Variants in SKA1 observed in about 807,000 individuals in gnomAD.
SKA1 encodes SKA complex subunit 1.
In SKA1, 20 loss-of-function variants were observed where a neutral mutation model predicts 31.8. The observed-to-expected ratio is 0.63, with a 90% CI of 0.44 to 0.91. The LOEUF (loss-of-function observed/expected upper bound fraction) is 0.91. SKA1 is among the 40% of genes least tolerant of loss of function. The pLI is 0.00. For synonymous variants in SKA1, 88 were observed against 100.5 expected, an observed-to-expected ratio of 0.88 and a Z score of 0.74; for missense variants, 253 against 298.2, an observed-to-expected ratio of 0.85 and a Z score of 1.12.
At chr18:50,377,989 C>G (rs981301119) in intron 2 of SKA1, among the ~76,000 whole-genome samples, 12 of 152,122 alleles carry the variant, frequency 7.9e-5, no homozygotes, top group African/African-American at 2.9e-4. Context: ...AGGTGGCTGG[C>G]CCAGGTCCCT....
chr18:50,390,287 G>C (rs1359427065), intron 5 of SKA1, among the ~76,000 whole-genome samples: 2 of 152,170 alleles, frequency 1.3e-5, no homozygotes, highest in Non-Finnish European at 2.9e-5. Context: ...GTTTTGACTA[G>C]AAAGCTGCTA....
intron 4 of SKA1, among the ~76,000 whole-genome samples, chr18:50,383,937 G>A (rs922480969): frequency 6.6e-6 from 1 of 152,134 alleles, no homozygotes; most frequent in South Asian, 2.1e-4. Flanking sequence ...CAGCGTGGCC[G>A]AGTCACACCA....
intron 4 of SKA1, among the ~76,000 whole-genome samples, chr18:50,383,576 C>T (rs2041279505): frequency 1.3e-5 from 2 of 152,194 alleles, no homozygotes; most frequent in Admixed American, 1.3e-4. Flanking sequence ...CCCATCACCT[C>T]GGTGAGGACT....
At chr18:50,389,374 T>TC (rs1182033219) in intron 5 of SKA1, among the ~76,000 whole-genome samples, 5 of 128,376 alleles carry the variant, frequency 3.9e-5, no homozygotes, top group African/African-American at 1.5e-4. Flanking sequence ...CCTTTACCTT[T>TC]CTTTTTTTTT....
In SKA1 at chr18:50,375,870, A is replaced by G; in HGVS notation, c.40A>G (p.Asn14Asp). 6.2e-7 allele frequency: 1 copy of G among 1,611,790 alleles called. No individual in the cohort carries two copies. ...TCTGGAACAATTATGCTCTCATGTT[A>G]ATGAAAAGATTGGCAATATTAAGAA... ...SDLEQLCSHV[N>D]EKIGNIKKTL... is the part of the protein sequence containing the mutation. The change falls in exon 2 of 7, where the codon AAT becomes GAT. Residue 14 changes from asparagine (N) to aspartate (D), a missense_variant. Coordinates refer to ENST00000285116, the MANE Select transcript of SKA1 (RefSeq NM_145060.4).
chr18:50,391,894 A>G (rs1362723052), intron 6 of SKA1, among the ~76,000 whole-genome samples: 1 of 152,220 alleles, frequency 6.6e-6, no homozygotes, highest in African/African-American at 2.4e-5. Flanking sequence ...AGCGATACCA[A>G]CAGATAGCTA....
chr18:50,377,078 A>C (rs1295118144), intron 2 of SKA1, among the ~76,000 whole-genome samples: 1 of 152,192 alleles, frequency 6.6e-6, no homozygotes, highest in Non-Finnish European at 1.5e-5. Context: ...TACACTCTAA[A>C]ATAACAATAC....
Position 50,380,247 on chromosome 18 carries a change from C to T in SKA1, c.210C>T (p.Leu70=), listed in dbSNP as rs2041252799. ...ATCAAGAACAAACCAACAATTCACT[C>T]AAGGTAATGTTTCTCTAATGAGGAA... ...IQYQEQTNNS[L]KELCESLEED... is the part of the protein sequence containing the mutation. The change falls in exon 3 of 7, where the codon CTC becomes CTT. Residue 70 remains leucine, a synonymous_variant. Coordinates refer to ENST00000285116, the MANE Select transcript of SKA1 (RefSeq NM_145060.4). 6.5e-7 allele frequency: 1 copy of T among 1,541,332 alleles called. No individual in the cohort carries two copies. The highest frequency in any genetic ancestry group is 8.7e-7 in the Non-Finnish European group (1 of 1,154,684).
chr18:50,377,159 G>A (rs1446054943), intron 2 of SKA1, among the ~76,000 whole-genome samples: 1 of 151,782 alleles, frequency 6.6e-6, no homozygotes, highest in Non-Finnish European at 1.5e-5. Context: ...ATACATAATT[G>A]TATGTGCTGT....
intron 5 of SKA1, among the ~76,000 whole-genome samples, chr18:50,388,492 A>G (rs767917944): frequency 2.7e-4 from 41 of 151,976 alleles, no homozygotes; most frequent in African/African-American, 9.4e-4. Context: ...TTAGTTCACT[A>G]ATACGTTCCT....
chr18:50,378,104 T>A (rs1236673676), intron 2 of SKA1, among the ~76,000 whole-genome samples: 1 of 152,216 alleles, frequency 6.6e-6, no homozygotes, highest in African/African-American at 2.4e-5. Flanking sequence ...TGTAAAAGAC[T>A]TTTAGATGTT....
At chr18:50,385,116 G>A in intron 4 of SKA1, 100 bp from the exon 5 acceptor site, 1 of 934,492 alleles carries the variant, frequency 1.1e-6, no homozygotes, top group African/African-American at 1.7e-5. Flanking sequence ...ATTATAACAG[G>A]ATGAGTTACG....
Position 50,375,914 on chromosome 18 carries a change from C to T in SKA1, c.84C>T (p.Asn28=). The T allele has an allele frequency of 6.3e-7, 1 of 1,577,424 alleles. No individual in the cohort carries two copies. The change falls in exon 2 of 7, where the codon AAC becomes AAT. Residue 28 remains asparagine, a synonymous_variant. Transcript: ENST00000285116. ...GNIKKTLSLR[N]CGQEPTLKTV... is the part of the protein sequence containing the mutation. ...TTAAGAAAACCTTATCATTAAGAAA[C>T]TGTGGTAAGTAAAACAGATTCCACT... is the stretch of plus-strand genomic sequence containing the variant.
At chr18:50,388,262 T>C (rs1372427610) in intron 5 of SKA1, among the ~76,000 whole-genome samples, 1 of 152,094 alleles carries the variant, frequency 6.6e-6, no homozygotes, top group Non-Finnish European at 1.5e-5. Flanking sequence ...GGCTAATTTT[T>C]TGTATTTTTA....
chr18:50,382,466 T>C (rs1393720227), intron 4 of SKA1, among the ~76,000 whole-genome samples: 1 of 152,180 alleles, frequency 6.6e-6, no homozygotes, highest in African/African-American at 2.4e-5. Flanking sequence ...CTCTCTTTTT[T>C]CACTCATTTC....
At chr18:50,384,891 G>GAAAAAAAAAAAAAAAAAAAAA (rs2041294055) in intron 4 of SKA1, among the ~76,000 whole-genome samples, 1 of 107,478 alleles carries the variant, frequency 9.3e-6, no homozygotes, top group African/African-American at 3.5e-5. Context: ...AAAAAAAAAA[G>GAAAAAAAAAAAAAAAAAAAAA]GAAAAAAAAA....
chr18:50,376,057 C>T, intron 2 of SKA1, 139 bp downstream of exon 2: 1 of 558,840 alleles, frequency 1.8e-6, no homozygotes, highest in South Asian at 2.5e-5. Context: ...TTAAATAGTC[C>T]AATGTCATTT....
In SKA1 at chr18:50,382,090, G is replaced by A. The variant is rs568837705; in HGVS notation, c.214-39G>A. 3 of 1,145,964 alleles carry A rather than the reference G, an allele frequency of 2.6e-6. No homozygotes were observed. In the East Asian group the frequency reaches 8.1e-5, roughly 31 times the overall value. 71.0% of individuals were successfully genotyped at this position (1,145,964 alleles called of 1,614,324 possible). On this transcript the variant is annotated intron_variant, in intron 3 of 6. Transcript: ENST00000285116. ...TAGAATATCTTAAAACACACATGGGGAGGACAGAGACTTATTTGTGAGCAC... is the reference window on the plus strand; with the variant it reads ...TAGAATATCTTAAAACACACATGGGAAGGACAGAGACTTATTTGTGAGCAC...
rs2041353595 is a variant in SKA1, at chr18:50,391,170, A to G, written c.496A>G (p.Lys166Glu). 1.9e-6 allele frequency: 3 copies of G among 1,585,908 alleles called. No individual in the cohort carries two copies. The highest frequency in any genetic ancestry group is 1.7e-6 in the Non-Finnish European group (2 of 1,166,914). ...LTYNQINDVI[K>E]EINKAVISKY... ...CTATAATCAAATTAATGATGTTATT[A>G]AAGAAATCAACAAGGCAGTAATTAG... Residue 166 changes from lysine (K) to glutamate (E), a missense_variant, in exon 6 of 7, where the codon AAA becomes GAA. By Grantham distance (56) the Lys-to-Glu change is moderately conservative. Coordinates refer to ENST00000285116, the MANE Select transcript of SKA1 (RefSeq NM_145060.4).
Sources: gnomAD v4.1 joint callset for allele counts (sites outside exome capture counted in the v4.1 genomes callset) on GRCh38, gnomAD v4.1.1 for gene constraint, MANE v1.5 for transcripts, NCBI Gene and HGNC (gene_info 2026-07-23, HGNC 2026-07-21) for gene names.